The following CNBD1 variants were observed in gnomAD, a reference collection of about 807,000 sequenced individuals.
CNBD1 encodes the protein cyclic nucleotide-binding domain-containing protein 1.
Under a neutral mutation model 54.4 loss-of-function variants are expected in CNBD1, and 71 were observed. The ratio of observed to expected loss-of-function variants is 1.30; its 90% confidence interval spans 1.08 to 1.59. CNBD1 has a LOEUF of 1.59. Ranked by LOEUF, CNBD1 falls within the 40% of genes most tolerant of loss-of-function variation. The pLI is 0.00. For missense variants in CNBD1, 659 were observed against 518.0 expected (o/e 1.27, Z -2.64); for synonymous variants, 182 against 170.7 (o/e 1.07, Z -0.51).
At chr8:87,024,619 G>A (rs112526913) in intron 4 of CNBD1, among the ~76,000 whole-genome samples, 4,589 of 152,180 alleles carry the variant, frequency 0.03, 237 homozygotes, top group African/African-American at 0.1. Context: ...TGGGATTATA[G>A]GCATGAGCCA....
chr8:87,426,683 G>C (rs894733615), intron 2 of CNBD1, among the ~76,000 whole-genome samples: 8 of 152,160 alleles, frequency 5.3e-5, no homozygotes, highest in Non-Finnish European at 1.0e-4. Context: ...CTATCTGGTA[G>C]CAATTTCTGT....
intron 4 of CNBD1, among the ~76,000 whole-genome samples, chr8:87,003,039 A>G (rs1809025277): frequency 6.6e-6 from 1 of 152,210 alleles, no homozygotes; most frequent in East Asian, 1.9e-4. Flanking sequence ...TGTCCATGAA[A>G]CTTGGCAGAG....
chr8:87,085,368 T>C (rs943820549), intron 4 of CNBD1, among the ~76,000 whole-genome samples: 1 of 152,196 alleles, frequency 6.6e-6, no homozygotes, highest in African/African-American at 2.4e-5. Context: ...GCTGATGGTA[T>C]GTATAAGATA....
chr8:87,175,804 C>T (rs1813185078), intron 4 of CNBD1, among the ~76,000 whole-genome samples: 1 of 152,136 alleles, frequency 6.6e-6, no homozygotes, highest in African/African-American at 2.4e-5. Context: ...GAATTTTAGT[C>T]CTTGTGTCCT....
intron 3 of CNBD1, among the ~76,000 whole-genome samples, chr8:86,926,727 G>A (rs1357722569): frequency 1.3e-5 from 2 of 152,142 alleles, no homozygotes; most frequent in Admixed American, 6.6e-5. Context: ...CAGCAGTCTT[G>A]GAGAGTCACC....
chr8:87,214,840 T>G (rs1237490468), intron 5 of CNBD1, among the ~76,000 whole-genome samples: 2 of 152,064 alleles, frequency 1.3e-5, no homozygotes, highest in African/African-American at 4.8e-5. Flanking sequence ...GAGAACAGTA[T>G]GGGGGAAACT....
At position 86,951,581 on chromosome 8, in the gene CNBD1, CAAAAAAAAAAAAAAAAAAA is replaced by C. The variant is rs71275901; in HGVS notation, c.431+11847_431+11865del. On this transcript the variant is annotated intron_variant, in intron 4 of 10. Coordinates refer to ENST00000518476, the MANE Select transcript of CNBD1 (RefSeq NM_173538.3). The stretch of plus-strand genomic sequence containing the variant: ...GGTGACAGAGCGAGGCTCCGTCTCA[CAAAAAAAAAAAAAAAAAAA>C]AAAAAAAAAAAAAAAAAAAGATATT... 8.7e-3 allele frequency among the ~76,000 whole-genome samples: 326 copies of C among 37,366 alleles called. 4 individuals carry two copies. The highest frequency in any genetic ancestry group is 0.038 in the Middle Eastern group (1 of 26). The allele number at this position is 37,366 out of a possible 152,430, so 24.5% of individuals were successfully genotyped here.
At chr8:86,934,409 G>C (rs1313647704) in intron 3 of CNBD1, among the ~76,000 whole-genome samples, 1 of 151,838 alleles carries the variant, frequency 6.6e-6, no homozygotes, top group African/African-American at 2.4e-5. Context: ...GGATTCTTTT[G>C]GATATTCCAT....
intron 4 of CNBD1, among the ~76,000 whole-genome samples, chr8:87,065,781 A>T (rs1029365519): frequency 4.7e-4 from 71 of 151,988 alleles, no homozygotes; most frequent in African/African-American, 1.7e-3. Flanking sequence ...ATTTTCTACC[A>T]GCCTTAGGAG....
intron 4 of CNBD1, among the ~76,000 whole-genome samples, chr8:87,131,547 AT>A (rs1286697781): frequency 6.6e-6 from 1 of 152,036 alleles, no homozygotes; most frequent in East Asian, 1.9e-4. Context: ...CTCATTAAGC[AT>A]TTAAAGCTAT....
chr8:87,261,975 G>A (rs977831570), intron 6 of CNBD1, among the ~76,000 whole-genome samples: 5 of 136,554 alleles, frequency 3.7e-5, no homozygotes, highest in African/African-American at 1.3e-4. Context: ...GCAAAACTCT[G>A]TCTTTACAAA....
At chr8:87,094,609 G>T (rs539969612) in intron 4 of CNBD1, among the ~76,000 whole-genome samples, 1 of 152,102 alleles carries the variant, frequency 6.6e-6, no homozygotes, top group Non-Finnish European at 1.5e-5. Context: ...GATGTTAGAT[G>T]ATCTGGTTCC....
chr8:87,140,308 C>T (rs529724007), intron 4 of CNBD1, among the ~76,000 whole-genome samples: 7 of 152,042 alleles, frequency 4.6e-5, no homozygotes, highest in Admixed American at 6.6e-5. Context: ...GTTATGTATT[C>T]GATCAAAGCC....
At chr8:87,107,432 G>A (rs1811565393) in intron 4 of CNBD1, among the ~76,000 whole-genome samples, 1 of 152,154 alleles carries the variant, frequency 6.6e-6, no homozygotes, top group Admixed American at 6.5e-5. Flanking sequence ...TCTTTCTTTA[G>A]GTCTCATCTT....
At chr8:87,298,666 A>T (rs1483029781) in intron 8 of CNBD1, among the ~76,000 whole-genome samples, 1 of 151,530 alleles carries the variant, frequency 6.6e-6, no homozygotes, top group East Asian at 1.9e-4. Context: ...TTGTAGTTTT[A>T]GTAGAGATAG....
chr8:87,093,466 C>T (rs887648731), intron 4 of CNBD1, among the ~76,000 whole-genome samples: 3 of 152,102 alleles, frequency 2.0e-5, no homozygotes, highest in Admixed American at 2.0e-4. Context: ...CCCAGAGTAC[C>T]TCAATCTTTC....
At chr8:87,176,483 ATTT>A (rs35416460) in intron 4 of CNBD1, among the ~76,000 whole-genome samples, 1,537 of 134,388 alleles carry the variant, frequency 0.011, 16 homozygotes, top group Middle Eastern at 0.027. Flanking sequence ...TTAAGTTAGT[ATTT>A]TTTTTTTTTT....
At chr8:86,977,773 G>A (rs186647553) in intron 4 of CNBD1, among the ~76,000 whole-genome samples, 1 of 152,038 alleles carries the variant, frequency 6.6e-6, no homozygotes, top group Non-Finnish European at 1.5e-5. Context: ...AAAAACTTAG[G>A]ACCAGGTGGC....
chr8:86,967,181 G>A (rs555650553), intron 4 of CNBD1, among the ~76,000 whole-genome samples: 1 of 152,298 alleles, frequency 6.6e-6, no homozygotes, highest in East Asian at 1.9e-4. Flanking sequence ...AGTGCGTGTG[G>A]GGGGTCCTTC....
Sources: gnomAD v4.1 joint callset for allele counts (sites outside exome capture counted in the v4.1 genomes callset) on GRCh38, gnomAD v4.1.1 for gene constraint, MANE v1.5 for transcripts, NCBI Gene and HGNC (gene_info 2026-07-23, HGNC 2026-07-21) for gene names.